Variants in CMTM2 observed in about 807,000 individuals in gnomAD.
The protein encoded by CMTM2 is CKLF like MARVEL transmembrane domain containing 2, also known as CKLF-like MARVEL transmembrane domain-containing protein 2.
Under a neutral mutation model 16.8 loss-of-function variants are expected in CMTM2, and 15 were observed. The ratio of observed to expected loss-of-function variants is 0.89; its 90% CI spans 0.60 to 1.37. The LOEUF is 1.37. CMTM2 is among the 40% of genes most tolerant of loss of function. The pLI, the probability that CMTM2 is intolerant of heterozygous loss-of-function variation, is 0.00. For synonymous variants in CMTM2, 117 were observed against 118.7 expected, an observed-to-expected ratio of 0.99 and a Z score of 0.09; for missense variants, 282 against 318.0, an observed-to-expected ratio of 0.89 and a Z score of 0.86.
intron 2 of CMTM2, among the ~76,000 whole-genome samples, chr16:66,586,581 G>A (rs1004578129): frequency 8.5e-5 from 13 of 152,132 alleles, no homozygotes; most frequent in African/African-American, 2.7e-4. Flanking sequence ...TGAGGAGGTC[G>A]AGGCTGCAGT....
chr16:66,582,245 G>A (rs1423418235), intron 2 of CMTM2, among the ~76,000 whole-genome samples: 1 of 152,158 alleles, frequency 6.6e-6, no homozygotes, highest in East Asian at 1.9e-4. Context: ...AGAAAATATA[G>A]TTATTGAAAT....
Position 66,579,650 on chromosome 16 carries a change from C to T in CMTM2, c.43C>T (p.Pro15Ser), listed in dbSNP as rs2144699173. Residue 15 changes from proline to serine, a missense_variant, in exon 1 of 4, where the codon CCA becomes TCA. Transcript: ENST00000268595. This position sits in a 1 kb window ranked among gnomAD's most constrained non-coding sequence, Gnocchi z 6.5. ...AAAGGGGGCCAAGCCAGAGCCAGCA[C>T]CAGCTCCACCTCCACCCGGGGCCAA... ...AAKGAKPEPA[P>S]APPPPGAKPE... 6.2e-7 allele frequency: 1 copy of T among 1,613,872 alleles called. No individual in the cohort carries two copies. Among genetic ancestry groups the T allele is most frequent in the Non-Finnish European group, 8.5e-7 (1 of 1,179,980 alleles).
In CMTM2 at chr16:66,588,058, C is replaced by T; in HGVS notation, c.686C>T (p.Pro229Leu). ...KEKGPQQGKG[P>L]EPAKPPEPGK... ...AAAGGACCCCAGCAGGGCAAGGGAC[C>T]AGAACCCGCCAAGCCACCAGAACCT... Residue 229 changes from proline to leucine, a missense_variant, in exon 4 of 4, where the codon CCA becomes CTA. By Grantham distance (98) the Pro-to-Leu change is moderately conservative. Transcript: ENST00000268595. 1 of 1,613,558 alleles carries T rather than the reference C, an allele frequency of 6.2e-7. No individual in the cohort carries two copies. Among genetic ancestry groups the T allele is most frequent in the East Asian group, 2.2e-5 (1 of 44,876 alleles).
intron 2 of CMTM2, among the ~76,000 whole-genome samples, chr16:66,583,441 G>A (rs961749271): frequency 6.6e-6 from 1 of 151,790 alleles, no homozygotes; most frequent in African/African-American, 2.4e-5. Context: ...GCCATGAGCC[G>A]AGATGGAGCC....
intron 2 of CMTM2, 112 bp downstream of exon 2, chr16:66,580,296 T>A: frequency 8.3e-7 from 1 of 1,206,724 alleles, no homozygotes; most frequent in Non-Finnish European, 1.2e-6. Context: ...TATCTGTGCC[T>A]GGGTCAGGGA....
chr16:66,581,038 G>T (rs2014729361), intron 2 of CMTM2, among the ~76,000 whole-genome samples: 1 of 152,112 alleles, frequency 6.6e-6, no homozygotes, highest in Non-Finnish European at 1.5e-5. Flanking sequence ...AATTGGCCTA[G>T]AATGGCCAAG....
In CMTM2 at chr16:66,579,684, A is replaced by C. The variant is rs1303309776; in HGVS notation, c.77A>C (p.Glu26Ala). 1.2e-6 allele frequency: 2 copies of C among 1,614,134 alleles called. No homozygotes were observed. Among genetic ancestry groups the C allele is most frequent in the Non-Finnish European group, 1.7e-6 (2 of 1,180,024 alleles). ...APPPPGAKPE[E>A]DKKDGKEPSD... Reference sequence around the variant, plus strand: ...CCTCCACCCGGGGCCAAACCCGAGGAAGACAAGAAGGACGGTAAGGAGCCA... The same window carrying C: ...CCTCCACCCGGGGCCAAACCCGAGGCAGACAAGAAGGACGGTAAGGAGCCA... The change falls in exon 1 of 4, where the codon GAA becomes GCA. Residue 26 changes from glutamate (E) to alanine (A), a missense_variant. Coordinates refer to ENST00000268595, the MANE Select transcript of CMTM2 (RefSeq NM_144673.3). This position sits in a 1 kb window ranked among gnomAD's most constrained non-coding sequence, Gnocchi z 6.5.
intron 2 of CMTM2, among the ~76,000 whole-genome samples, chr16:66,585,606 G>C (rs1047931170): frequency 6.6e-6 from 1 of 152,132 alleles, no homozygotes; most frequent in African/African-American, 2.4e-5. Flanking sequence ...TCCAAAAGTT[G>C]GAGGAGGGAG....
rs112873538 is a variant in CMTM2, at chr16:66,581,137, T to C, written c.444+953T>C. Reference sequence around the variant, plus strand: ...AGTACATTTCATCCTGCCTTCTTGTTAAAAACTATTAGGGTCCAGGGATCC... The same window carrying C: ...AGTACATTTCATCCTGCCTTCTTGTCAAAAACTATTAGGGTCCAGGGATCC... On this transcript the variant is annotated intron_variant, in intron 2 of 3. Coordinates refer to ENST00000268595, the MANE Select transcript of CMTM2 (RefSeq NM_144673.3). Among the ~76,000 whole-genome samples the C allele has an allele frequency of 7.8e-3, 1,193 of 152,014 alleles. 20 individuals are homozygous for C. The highest frequency in any genetic ancestry group is 0.028 in the African/African-American group (1,140 of 41,432).
rs2014816933 is a variant in CMTM2, at chr16:66,588,096, G to C, written c.724G>C (p.Gly242Arg). 6.2e-7 allele frequency: 1 copy of C among 1,612,832 alleles called. No homozygotes were observed. The highest frequency in any genetic ancestry group is 1.3e-5 in the African/African-American group (1 of 74,894). ...GCCACCAGAACCTGGCAAGCCACCA[G>C]GGCCAGCAAAGGGAAAGAAATGACT... The part of the protein sequence containing the change: ...AKPPEPGKPP[G>R]PAKGKK Residue 242 changes from glycine (G) to arginine (R), a missense_variant, in exon 4 of 4, where the codon GGG becomes CGG. Coordinates refer to ENST00000268595, the MANE Select transcript of CMTM2 (RefSeq NM_144673.3).
chr16:66,585,497 A>G (rs1444474047), intron 2 of CMTM2, among the ~76,000 whole-genome samples: 1 of 152,254 alleles, frequency 6.6e-6, no homozygotes, highest in African/African-American at 2.4e-5. Flanking sequence ...ATTTAAATAT[A>G]AAAAGTGTAT....
Position 66,583,231 on chromosome 16 carries a change from G to C in CMTM2, c.444+3047G>C, listed in dbSNP as rs369927783. On this transcript the variant is annotated intron_variant, in intron 2 of 3. Transcript: ENST00000268595. ...TTTTGGCTGGGCACGGGGGCTCACA[G>C]CTGTACTCCCAGCACTTTGGGAGGC... 7.8e-3 allele frequency among the ~76,000 whole-genome samples: 1,181 copies of C among 152,134 alleles called. 17 individuals are homozygous for C. The highest frequency in any genetic ancestry group is 0.027 in the African/African-American group (1,131 of 41,492).
At chr16:66,587,431 C>A (rs1397203035) in intron 3 of CMTM2, among the ~76,000 whole-genome samples, 1 of 152,132 alleles carries the variant, frequency 6.6e-6, no homozygotes, top group Non-Finnish European at 1.5e-5. Context: ...GTGGCACATG[C>A]CTGTAATCCC....
intron 2 of CMTM2, among the ~76,000 whole-genome samples, chr16:66,582,405 A>C (rs980582283): frequency 6.6e-6 from 1 of 152,218 alleles, no homozygotes; most frequent in Non-Finnish European, 1.5e-5. Context: ...GAGAACATCC[A>C]TCAGTGGTTG....
At chr16:66,582,389 A>T (rs12446493) in intron 2 of CMTM2, among the ~76,000 whole-genome samples, 8,937 of 152,202 alleles carry the variant, frequency 0.059, 413 homozygotes, top group East Asian at 0.12. Flanking sequence ...AGACAGAACA[A>T]TGAGTGAGAA....
chr16:66,582,242 A>G lies in CMTM2; in HGVS notation c.444+2058A>G, dbSNP rs192373260. On this transcript the variant is annotated intron_variant, in intron 2 of 3. Transcript: ENST00000268595. ...AAGTACAGTGTCTAGAATAGAAAAT[A>G]TAGTTATTGAAATAAAAATGTCAAT... 7.8e-3 allele frequency among the ~76,000 whole-genome samples: 1,191 copies of G among 152,370 alleles called. 20 individuals are homozygous for G. Among genetic ancestry groups the G allele is most frequent in the African/African-American group, 0.027 (1,139 of 41,582 alleles).
In CMTM2 at chr16:66,588,231, C is replaced by G. The variant is rs953866038; in HGVS notation, c.*112C>G. ...GTTTTCTTTTCCATTTTCATTACCA[C>G]CTTTGCTTGGAAAAGAATGGATTAA... On this transcript the variant is annotated 3_prime_UTR_variant, in exon 4 of 4. Transcript: ENST00000268595. The G allele has an allele frequency of 1.0e-6, 1 of 968,686 alleles. No individual in the cohort carries two copies. The highest frequency in any genetic ancestry group is 1.6e-5 in the African/African-American group (1 of 60,624). 60.0% of individuals were successfully genotyped at this position (968,686 alleles called of 1,614,324 possible). A position where few individuals can be genotyped will look rare whatever the true frequency, so the allele number is the denominator to read the frequency against.
At chr16:66,582,294 T>G (rs1005808935) in intron 2 of CMTM2, among the ~76,000 whole-genome samples, 14 of 152,100 alleles carry the variant, frequency 9.2e-5, no homozygotes, top group African/African-American at 3.4e-4. Flanking sequence ...AGATCAGACA[T>G]AGCTGAAGGA....
chr16:66,585,850 CA>C (rs2014786569), intron 2 of CMTM2, among the ~76,000 whole-genome samples: 4 of 152,272 alleles, frequency 2.6e-5, no homozygotes, highest in Non-Finnish European at 5.9e-5. Flanking sequence ...AGGCCTGAAA[CA>C]AAGTGGCCAG....
Sources: allele counts gnomAD v4.1 joint callset (sites outside exome capture counted in the v4.1 genomes callset), GRCh38; gene constraint gnomAD v4.1.1; non-coding constraint Gnocchi (gnomAD v3.1); transcripts MANE v1.5; gene names NCBI Gene and HGNC (gene_info 2026-07-23, HGNC 2026-07-21).